ZFHX3: variants seen among roughly 807,000 people sequenced by gnomAD.
The protein encoded by ZFHX3 is zinc finger homeobox protein 3.
Under a neutral mutation model 279.1 loss-of-function variants are expected in ZFHX3, and 42 were observed. The ratio of observed to expected loss-of-function variants is 0.15; its 90% confidence interval spans 0.12 to 0.19. The LOEUF (loss-of-function observed/expected upper bound fraction) is 0.19. Ranked by LOEUF, ZFHX3 falls within the 10% of genes least tolerant of loss-of-function variation. The pLI is 1.00. For missense variants in ZFHX3, 4,981 were observed against 4,754.0 expected (o/e 1.05, Z -1.40); for synonymous variants, 2,293 against 1,957.8 (o/e 1.17, Z -4.52).
chr16:73,361,826 T>C (rs2016438011), intron 3 of ZFHX3, among the ~76,000 whole-genome samples: 1 of 152,206 alleles, frequency 6.6e-6, no homozygotes, highest in Non-Finnish European at 1.5e-5. Flanking sequence ...TTGATGTATT[T>C]GAAGATGAAG....
intron 3 of ZFHX3, among the ~76,000 whole-genome samples, chr16:73,384,930 G>A (rs1301535825): frequency 2.0e-5 from 3 of 152,142 alleles, no homozygotes; most frequent in African/African-American, 7.2e-5. Flanking sequence ...TTGGTTCAGG[G>A]GTGAACACCT....
chr16:73,140,329 T>C (rs1294770706), intron 6 of ZFHX3, among the ~76,000 whole-genome samples: 1 of 152,150 alleles, frequency 6.6e-6, no homozygotes, highest in Non-Finnish European at 1.5e-5. Context: ...CATCCGTATC[T>C]TGTGTAGGGA....
At chr16:73,217,232 G>A (rs144258639) in intron 5 of ZFHX3, among the ~76,000 whole-genome samples, 233 of 152,314 alleles carry the variant, frequency 1.5e-3, no homozygotes, top group Non-Finnish European at 2.7e-3. Context: ...ATTTGCTAAA[G>A]AAGCTACTTA....
chr16:73,014,909 GA>G (rs1964045333), intron 1 of ZFHX3: 1 of 152,086 alleles, frequency 6.6e-6, no homozygotes, highest in South Asian at 2.1e-4. Flanking sequence ...GGGTGTCCCT[GA>G]AGGGTTCACC....
In ZFHX3 at chr16:73,459,990, C is replaced by T. The variant is rs185555883; in HGVS notation, c.-1546-3732G>A. Among the ~76,000 whole-genome samples, 613 of 152,244 alleles carry T rather than the reference C, an allele frequency of 4.0e-3. 2 individuals are homozygous for T. The highest frequency in any genetic ancestry group is 6.2e-3 in the Non-Finnish European group (425 of 68,014). On this transcript the variant is annotated intron_variant, in intron 2 of 17. Coordinates refer to the ZFHX3 transcript ENST00000641206. ...GGGACACAAGGCCTAACCATATCAC[C>T]TCCAATGATAATATTTCCAAAACCA...
intron 2 of ZFHX3, among the ~76,000 whole-genome samples, chr16:73,581,034 C>T (rs151145141): frequency 1.1e-4 from 17 of 151,944 alleles, no homozygotes; most frequent in Non-Finnish European, 1.8e-4. Context: ...GTGTTCATTA[C>T]TTTGGGGTTG....
chr16:73,785,766 T>C (rs1302369509), intron 1 of ZFHX3, among the ~76,000 whole-genome samples: 1 of 152,220 alleles, frequency 6.6e-6, no homozygotes, highest in Admixed American at 6.5e-5. Flanking sequence ...CTGATGTTAT[T>C]CATATTAGGT....
At chr16:72,936,836 A>G (rs1175207968) in intron 3 of ZFHX3, among the ~76,000 whole-genome samples, 1 of 152,072 alleles carries the variant, frequency 6.6e-6, no homozygotes, top group Non-Finnish European at 1.5e-5. Context: ...AAATCCCTGT[A>G]TGGAGAGGGG....
chr16:73,431,926 G>A (rs1035921619), intron 3 of ZFHX3, among the ~76,000 whole-genome samples: 2 of 152,100 alleles, frequency 1.3e-5, no homozygotes, highest in African/African-American at 4.8e-5. Flanking sequence ...TTTCATCCCC[G>A]AGATTCTCCT....
In ZFHX3 at chr16:72,938,924, C is replaced by T. The variant is rs1207135259; in HGVS notation, c.3216+11545G>A. 3.3e-5 allele frequency among the ~76,000 whole-genome samples: 5 copies of T among 152,166 alleles called. No homozygotes were observed. The East Asian group carries it at 9.6e-4, about 29-fold the overall frequency. Reference sequence around the variant, plus strand: ...GAACCAGAAAGTGAACAACCACGCACAAACAGAAGTCTCCAGCCAAATCAC... The same window carrying T: ...GAACCAGAAAGTGAACAACCACGCATAAACAGAAGTCTCCAGCCAAATCAC... On this transcript the variant is annotated intron_variant, in intron 3 of 9. Coordinates refer to ENST00000268489, the MANE Select transcript of ZFHX3 (RefSeq NM_006885.4).
At chr16:73,072,627 T>C (rs987821955) in intron 8 of ZFHX3, among the ~76,000 whole-genome samples, 1 of 151,972 alleles carries the variant, frequency 6.6e-6, no homozygotes, top group African/African-American at 2.4e-5. Context: ...TGCAGTGGCA[T>C]GATCATAACT....
chr16:73,591,692 C>CAAAAAAAA (rs57402211), intron 2 of ZFHX3, among the ~76,000 whole-genome samples: 105 of 33,374 alleles, frequency 3.1e-3, no homozygotes, highest in Non-Finnish European at 4.2e-3. Context: ...GACTCTGTCT[C>CAAAAAAAA]AAAAAAAAAA....
chr16:73,878,313 G>A (rs2030020080), intron 1 of ZFHX3, among the ~76,000 whole-genome samples: 1 of 152,084 alleles, frequency 6.6e-6, no homozygotes, highest in Non-Finnish European at 1.5e-5. Flanking sequence ...GAAACCGAGA[G>A]GTGATTACTT....
chr16:72,975,732 C>T (rs1356657635), intron 1 of ZFHX3, among the ~76,000 whole-genome samples: 1 of 152,136 alleles, frequency 6.6e-6, no homozygotes, highest in Non-Finnish European at 1.5e-5. Flanking sequence ...TTCCAGAAGC[C>T]ACCCAGAGAA....
chr16:73,735,569 T>A (rs2053602381), intron 1 of ZFHX3, among the ~76,000 whole-genome samples: 1 of 152,156 alleles, frequency 6.6e-6, no homozygotes, highest in Admixed American at 6.6e-5. Flanking sequence ...AGAAATAACC[T>A]GGTTTGCAAC....
intron 3 of ZFHX3, among the ~76,000 whole-genome samples, chr16:73,326,802 C>A (rs546698205): frequency 2.0e-5 from 3 of 152,252 alleles, no homozygotes; most frequent in South Asian, 4.1e-4. Flanking sequence ...TTAACAAAAC[C>A]TGAAGCTATA....
chr16:72,876,806 T>C (rs1249044575), intron 4 of ZFHX3, among the ~76,000 whole-genome samples: 1 of 152,062 alleles, frequency 6.6e-6, no homozygotes, highest in Non-Finnish European at 1.5e-5. Flanking sequence ...ATAAATTAAA[T>C]TTGTCCTCAC....
At chr16:73,288,575 C>T (rs1002523371) in intron 4 of ZFHX3, among the ~76,000 whole-genome samples, 17 of 152,310 alleles carry the variant, frequency 1.1e-4, no homozygotes, top group African/African-American at 3.6e-4. Flanking sequence ...AACTTAGCAA[C>T]TCCCCACGCT....
chr16:73,855,258 A>G (rs1005759904), intron 1 of ZFHX3, among the ~76,000 whole-genome samples: 4 of 131,268 alleles, frequency 3.0e-5, no homozygotes, highest in African/African-American at 1.1e-4. Flanking sequence ...CCATTCGTTC[A>G]ATGTCCCACA....
Sources: gnomAD v4.1 joint callset for allele counts (sites outside exome capture counted in the v4.1 genomes callset) on GRCh38, gnomAD v4.1.1 for gene constraint, MANE v1.5 for transcripts, NCBI Gene and HGNC (gene_info 2026-07-23, HGNC 2026-07-21) for gene names.